B4GALT1: variants seen among roughly 807,000 people sequenced by gnomAD.
B4GALT1 encodes N-acetyllactosamine synthase.
In B4GALT1, 16 loss-of-function variants were observed where a neutral mutation model predicts 34.9. That is an observed-to-expected ratio of 0.46 (90% confidence interval 0.31 to 0.70). The LOEUF (loss-of-function observed/expected upper bound fraction) is 0.70. Among genes scored for constraint, B4GALT1 ranks in the 30% least tolerant of loss-of-function variants. The pLI is 0.05. For synonymous variants in B4GALT1, 221 were observed against 218.1 expected (o/e 1.01, Z -0.12); for missense variants, 445 against 530.5 (o/e 0.84, Z 1.58).
intron 1 of B4GALT1, among the ~76,000 whole-genome samples, chr9:33,154,002 G>T (rs190785508): frequency 7.9e-6 from 1 of 126,972 alleles, no homozygotes; most frequent in Admixed American, 8.3e-5. Flanking sequence ...GGAGGGGAGG[G>T]GAGAGAGAGA....
At chr9:33,168,095 C>G (rs75408277), upstream of B4GALT1, among the ~76,000 whole-genome samples, 4,319 of 152,280 alleles carry the variant, frequency 0.028, 84 homozygotes, top group Non-Finnish European at 0.042. Flanking sequence ...GGAGATCAGC[C>G]GGCGTTACAG....
chr9:33,146,097 A>G (rs1489833737), intron 1 of B4GALT1, among the ~76,000 whole-genome samples: 1 of 152,238 alleles, frequency 6.6e-6, no homozygotes, highest in Non-Finnish European at 1.5e-5. Flanking sequence ...ACTGGGGGTC[A>G]CAAGCTTTTA....
At chr9:33,157,055 T>C (rs1435667786) in intron 1 of B4GALT1, among the ~76,000 whole-genome samples, 1 of 79,652 alleles carries the variant, frequency 1.3e-5, no homozygotes, top group Non-Finnish European at 2.3e-5. Flanking sequence ...GTGTCCAGCA[T>C]AGGGAACTAC....
intron 1 of B4GALT1, among the ~76,000 whole-genome samples, chr9:33,152,162 G>T (rs913183362): frequency 3.9e-5 from 6 of 151,986 alleles, no homozygotes; most frequent in African/African-American, 1.5e-4. Context: ...AAATTAGCTG[G>T]GTGTGGTGGC....
At chr9:33,175,797 GACTC>G in the B4GALT1 span, among the ~76,000 whole-genome samples, 1 of 152,170 alleles carries the variant, frequency 6.6e-6, no homozygotes, top group Admixed American at 6.5e-5. Context: ...TCTGGATTTA[GACTC>G]ACTCTTTGAT....
intron 1 of B4GALT1, among the ~76,000 whole-genome samples, chr9:33,138,311 C>T (rs1368788099): frequency 6.6e-6 from 1 of 152,170 alleles, no homozygotes; most frequent in East Asian, 1.9e-4. Flanking sequence ...ATAGTACAGC[C>T]ACTCTCAGGG....
chr9:33,114,195 G>A (rs1048564453), intron 4 of B4GALT1, among the ~76,000 whole-genome samples: 1 of 152,274 alleles, frequency 6.6e-6, no homozygotes, highest in African/African-American at 2.4e-5. Flanking sequence ...GAGGTGAGAA[G>A]AGGAAGATGA....
At chr9:33,182,106 G>A in the B4GALT1 span, among the ~76,000 whole-genome samples, 7 of 151,844 alleles carry the variant, frequency 4.6e-5, no homozygotes, top group Non-Finnish European at 5.9e-5. Flanking sequence ...GGCTGGATAC[G>A]CTCCTTCTGA....
At chr9:33,177,380 C>G in the B4GALT1 span, 1 of 152,194 alleles carries the variant, frequency 6.6e-6, no homozygotes, top group Non-Finnish European at 1.5e-5. Flanking sequence ...TGGAAGCTCC[C>G]CACTTCTGGG....
chr9:33,144,839 A>G (rs1587742567), intron 1 of B4GALT1, among the ~76,000 whole-genome samples: 1 of 152,218 alleles, frequency 6.6e-6, no homozygotes, highest in South Asian at 2.1e-4. Context: ...ATTCCTTTCT[A>G]TGCTGGGACA....
At chr9:33,168,983 T>A (rs1307863070), upstream of B4GALT1, among the ~76,000 whole-genome samples, 2 of 152,212 alleles carry the variant, frequency 1.3e-5, no homozygotes, top group African/African-American at 4.8e-5. Flanking sequence ...TTGCTCTCAA[T>A]GCCATTTGCA....
the B4GALT1 span, among the ~76,000 whole-genome samples, chr9:33,183,251 A>C: frequency 2.0e-5 from 3 of 152,214 alleles, no homozygotes; most frequent in Admixed American, 6.5e-5. Flanking sequence ...ACCCATTAGT[A>C]GCTGTTTTGG....
chr9:33,152,470 A>G (rs986724655), intron 1 of B4GALT1, among the ~76,000 whole-genome samples: 2 of 151,978 alleles, frequency 1.3e-5, no homozygotes, highest in African/African-American at 4.8e-5. Flanking sequence ...TCCACAATAT[A>G]AAAAGCTCCT....
rs562608909 is a variant in B4GALT1 at position 33,122,575 on chromosome 9, T to C, written c.649-1969A>G. 2.0e-5 allele frequency among the ~76,000 whole-genome samples: 3 copies of C among 152,162 alleles called. No homozygotes were observed. In the East Asian group the frequency reaches 5.8e-4, roughly 29 times the overall value. On this transcript the variant is annotated intron_variant, in intron 2 of 5. Coordinates refer to ENST00000379731, the MANE Select transcript of B4GALT1 (RefSeq NM_001497.4). The stretch of plus-strand genomic sequence containing the variant: ...CTGGCACTCCAAAAGGCTGCCTGTG[T>C]GCGTACAGAATGCACAGATGTGCCA...
In B4GALT1 at chr9:33,164,484, G is replaced by A. The variant is rs147806330; in HGVS notation, c.412+2274C>T. 2.6e-3 allele frequency among the ~76,000 whole-genome samples: 390 copies of A among 152,278 alleles called. 1 individual carries two copies. Among genetic ancestry groups the A allele is most frequent in the African/African-American group, 8.4e-3 (350 of 41,550 alleles). On this transcript the variant is annotated intron_variant, in intron 1 of 5. Transcript: ENST00000379731. ...GCCTCAGCAGCAGCCTAAACGTCAT[G>A]GTCTCTTGCATGTCACATGAAAGCA...
chr9:33,121,491 T>C (rs1424618641), intron 2 of B4GALT1, among the ~76,000 whole-genome samples: 1 of 150,960 alleles, frequency 6.6e-6, no homozygotes, highest in Non-Finnish European at 1.5e-5. Context: ...GCCTCGCGAG[T>C]AGCTGGGATT....
rs1461639740 is a variant in B4GALT1 at position 33,104,782 on chromosome 9, C to T, written c.649-1G>A. ...ACAGGAGTCTTCTTATTTTTTCATA[C>T]TGTGGTAAAATACACATAACAGAAA... is the stretch of plus-strand genomic sequence containing the variant. On this transcript the variant is annotated splice_acceptor_variant, in intron 2 of 2. Transcript: ENST00000535206. LOFTEE classifies it high-confidence loss of function. The T allele has an allele frequency of 4.4e-6, 2 of 455,148 alleles. No individual in the cohort carries two copies. The highest frequency in any genetic ancestry group is 8.8e-6 in the Non-Finnish European group (2 of 226,656). 28.2% of individuals were successfully genotyped at this position (455,148 alleles called of 1,614,324 possible).
At chr9:33,174,937 C>T in the B4GALT1 span, among the ~76,000 whole-genome samples, 4 of 113,308 alleles carry the variant, frequency 3.5e-5, no homozygotes, top group East Asian at 2.7e-4. Flanking sequence ...ATAGCCTGGG[C>T]GACAGAGCAA....
At chr9:33,127,180 G>C (rs111270586) in intron 2 of B4GALT1, among the ~76,000 whole-genome samples, 2,175 of 152,190 alleles carry the variant, frequency 0.014, 63 homozygotes, top group African/African-American at 0.05. Flanking sequence ...AGCCAGGATG[G>C]TCTCGATCTC....
Sources: gnomAD v4.1 joint callset for allele counts (sites outside exome capture counted in the v4.1 genomes callset) on GRCh38, gnomAD v4.1.1 for gene constraint, MANE v1.5 for transcripts, NCBI Gene and HGNC (gene_info 2026-07-23, HGNC 2026-07-21) for gene names.